Variants in CHD9 observed in about 807,000 individuals in gnomAD.
CHD9 encodes ATP-dependent chromatin remodeler CHD9.
In CHD9, 77 loss-of-function variants were observed where a neutral mutation model predicts 316.1. The observed-to-expected ratio is 0.24, with a 90% confidence interval of 0.20 to 0.29. The LOEUF (loss-of-function observed/expected upper bound fraction) is 0.29, where lower values mean the gene tolerates loss of function less well. Among genes scored for constraint, CHD9 ranks in the 10% least tolerant of loss-of-function variants. The pLI is 1.00. For synonymous variants in CHD9, 1,129 were observed against 1,158.3 expected, an observed-to-expected ratio of 0.97 and a Z score of 0.51; for missense variants, 2,763 against 3,438.1, an observed-to-expected ratio of 0.80 and a Z score of 4.91.
chr16:53,213,362 G>A (rs1243496725), intron 3 of CHD9, among the ~76,000 whole-genome samples: 1 of 152,110 alleles, frequency 6.6e-6, no homozygotes, highest in Non-Finnish European at 1.5e-5. Flanking sequence ...TTGGCAGTCA[G>A]GTTCTAAAAG....
chr16:53,269,575 G>C (rs1286438967), intron 22 of CHD9, among the ~76,000 whole-genome samples: 1 of 152,152 alleles, frequency 6.6e-6, no homozygotes, highest in Non-Finnish European at 1.5e-5. Flanking sequence ...TTTAATAGGA[G>C]ACAGTGAGTT....
intron 1 of CHD9, among the ~76,000 whole-genome samples, chr16:53,151,078 C>T (rs1247987079): frequency 6.6e-6 from 1 of 152,118 alleles, no homozygotes; most frequent in Non-Finnish European, 1.5e-5. Context: ...CTCTCTCCTT[C>T]TTCTGGGATG....
At chr16:53,129,096 TAA>T (rs1263759135) in intron 1 of CHD9, among the ~76,000 whole-genome samples, 2 of 152,208 alleles carry the variant, frequency 1.3e-5, no homozygotes, top group Non-Finnish European at 2.9e-5. Context: ...ATTCACTGAT[TAA>T]AATGGCATAC....
rs576623570 is a variant in CHD9, at chr16:53,166,721, C to T, written c.1452+9180C>T. ...ATATGGTGTGGATATAGTTAGGAAG[C>T]ATGGACTGCAGTTTCTTGTTAAATA... On this transcript the variant is annotated intron_variant, in intron 2 of 38. Coordinates refer to ENST00000447540, the MANE Select transcript of CHD9 (RefSeq NM_001308319.2). 2.0e-5 allele frequency among the ~76,000 whole-genome samples: 3 copies of T among 152,250 alleles called. No homozygotes were observed. In the East Asian group the frequency reaches 5.8e-4, roughly 29 times the overall value.
intron 34 of CHD9, 46 bp downstream of exon 34, chr16:53,308,900 C>T (rs1269620219): frequency 6.8e-7 from 1 of 1,474,122 alleles, no homozygotes; most frequent in African/African-American, 1.4e-5. Context: ...TATTTTCTGT[C>T]ATGTCCAAAT....
chr16:53,123,196 A>G (rs1597058807), intron 1 of CHD9, among the ~76,000 whole-genome samples: 2 of 146,836 alleles, frequency 1.4e-5, no homozygotes, highest in African/African-American at 2.5e-5. Flanking sequence ...AACCAGCTTT[A>G]TTGAGATAGT....
intron 1 of CHD9, among the ~76,000 whole-genome samples, chr16:53,146,656 A>G (rs11075761): frequency 0.13 from 19,123 of 147,290 alleles, 1,359 homozygotes; most frequent in South Asian, 0.24. Context: ...AAAATTAGCC[A>G]GGTATGGTGA....
intron 30 of CHD9, among the ~76,000 whole-genome samples, chr16:53,301,291 TGTGA>T (rs2055390414): frequency 6.6e-6 from 1 of 152,124 alleles, no homozygotes; most frequent in Admixed American, 6.5e-5. Context: ...TAAAAAAAAA[TGTGA>T]GTGAGGTTGA....
intron 2 of CHD9, among the ~76,000 whole-genome samples, chr16:53,158,202 A>C (rs956639168): frequency 6.6e-6 from 1 of 152,242 alleles, no homozygotes; most frequent in Non-Finnish European, 1.5e-5. Flanking sequence ...TAGATTAAAG[A>C]ATATAAAAAT....
At chr16:53,267,868 T>C in intron 21 of CHD9, 59 bp from the exon 22 acceptor site, 1 of 1,443,924 alleles carries the variant, frequency 6.9e-7, no homozygotes, top group Non-Finnish European at 9.6e-7. Flanking sequence ...TATCTATGAG[T>C]TAATATTTTT....
At chr16:53,206,153 A>T (rs543250472) in intron 2 of CHD9, among the ~76,000 whole-genome samples, 16 of 152,108 alleles carry the variant, frequency 1.1e-4, no homozygotes, top group African/African-American at 3.6e-4. Flanking sequence ...TTTTTCCTCC[A>T]TGTTGGTCAG....
rs2055698954 is a variant in CHD9, at chr16:53,304,105, G to T, written c.6099G>T (p.Arg2033Ser). The T allele has an allele frequency of 6.2e-7, 1 of 1,613,706 alleles. No homozygotes were observed. The highest frequency in any genetic ancestry group is 1.3e-5 in the African/African-American group (1 of 74,876). ...CTTCTCCTCTTACCTCTCTACCTAG[G>T]CTCCTAGATGCTAAAGGTATTATTC... ...LSASPLTSLP[R>S]LLDAKGIILE... Residue 2033 changes from arginine (R) to serine (S), a missense_variant, in exon 31 of 39, where the codon AGG (arginine) becomes AGT (serine). Physicochemically the swap from Arg to Ser is moderately radical, Grantham distance 110. Coordinates refer to ENST00000447540, the MANE Select transcript of CHD9 (RefSeq NM_001308319.2).
chr16:53,157,422 G>A lies in CHD9; in HGVS notation c.1333G>A (p.Val445Ile). 6.2e-7 allele frequency: 1 copy of A among 1,613,936 alleles called. No individual in the cohort carries two copies. Among genetic ancestry groups the A allele is most frequent in the Non-Finnish European group, 8.5e-7 (1 of 1,179,876 alleles). Residue 445 changes from valine (V) to isoleucine (I), a missense_variant, in exon 2 of 39, where the codon GTA becomes ATA. Around this residue, in one of 15 missense-constraint regions of CHD9, gnomAD observed 859 missense variants for 890.4 expected, o/e 0.96. Coordinates refer to ENST00000447540, the MANE Select transcript of CHD9 (RefSeq NM_001308319.2). ...DLDRQFTSHL[V>I]TRPSDMAQTQ... ...TGATCGGCAGTTTACTTCGCATCTGGTAACACGGCCTTCTGATATGGCTCA... is the reference window on the plus strand; with the variant it reads ...TGATCGGCAGTTTACTTCGCATCTGATAACACGGCCTTCTGATATGGCTCA...
chr16:53,263,406 G>A (rs373488686), intron 20 of CHD9, among the ~76,000 whole-genome samples: 1 of 151,618 alleles, frequency 6.6e-6, no homozygotes, highest in Non-Finnish European at 1.5e-5. Flanking sequence ...TCTCTTTAAT[G>A]TTTTCTTAGT....
At chr16:53,115,036 C>G (rs1045396497) in intron 1 of CHD9, among the ~76,000 whole-genome samples, 1 of 152,192 alleles carries the variant, frequency 6.6e-6, no homozygotes, top group Admixed American at 6.5e-5. Flanking sequence ...TTTTCTTTCT[C>G]CCTTTAGTTT....
chr16:53,101,273 C>CTTTTTTT (rs1012377760), intron 1 of CHD9, among the ~76,000 whole-genome samples: 67 of 124,830 alleles, frequency 5.4e-4, no homozygotes, highest in East Asian at 1.4e-3. Flanking sequence ...TTTTCCTTTT[C>CTTTTTTT]TTTTTTTTTT....
At chr16:53,180,424 G>C (rs2043413575) in intron 2 of CHD9, among the ~76,000 whole-genome samples, 1 of 152,154 alleles carries the variant, frequency 6.6e-6, no homozygotes, top group Non-Finnish European at 1.5e-5. Context: ...TCGATGCTAA[G>C]GATCTCCTTA....
intron 1 of CHD9, among the ~76,000 whole-genome samples, chr16:53,102,693 A>AT (rs1359805167): frequency 5.0e-5 from 7 of 141,334 alleles, no homozygotes; most frequent in African/African-American, 1.3e-4. Flanking sequence ...CTGCAAAAAA[A>AT]TAAAAAATTA....
chr16:53,259,757 G>C (rs531172337), intron 19 of CHD9, among the ~76,000 whole-genome samples: 1 of 152,020 alleles, frequency 6.6e-6, no homozygotes, highest in African/African-American at 2.4e-5. Context: ...TCAAGAAGTC[G>C]TCCCACCTTA....
Sources: allele counts gnomAD v4.1 joint callset (sites outside exome capture counted in the v4.1 genomes callset), GRCh38; gene constraint gnomAD v4.1.1; regional missense constraint gnomAD v4.1.1; transcripts MANE v1.5; gene names NCBI Gene and HGNC (gene_info 2026-07-23, HGNC 2026-07-21).